CCDC85C: variants seen among roughly 807,000 people sequenced by gnomAD.
CCDC85C encodes the protein coiled-coil domain containing 85C.
In CCDC85C, 18 loss-of-function variants were observed where a neutral mutation model predicts 38.3. The observed-to-expected ratio is 0.47, with a 90% CI of 0.33 to 0.70. The LOEUF is 0.70. CCDC85C is among the 30% of genes least tolerant of loss of function. The pLI, the probability that CCDC85C is intolerant of heterozygous loss-of-function variation, is 0.03. For missense variants in CCDC85C, 566 were observed against 621.2 expected (o/e 0.91, Z 0.94); for synonymous variants, 264 against 293.8 (o/e 0.90, Z 1.04).
chr14:99,581,344 G>A (rs1248751867), intron 1 of CCDC85C, among the ~76,000 whole-genome samples: 1 of 152,246 alleles, frequency 6.6e-6, no homozygotes, highest in Non-Finnish European at 1.5e-5. Flanking sequence ...CCCACCAGAT[G>A]CTGGACCCCG....
At chr14:99,555,333 C>A (rs1208866446) in intron 1 of CCDC85C, among the ~76,000 whole-genome samples, 2 of 148,308 alleles carry the variant, frequency 1.3e-5, no homozygotes, top group African/African-American at 4.9e-5. Context: ...AGCAGGATGA[C>A]CTTGGGACTC....
chr14:99,525,332 T>G (rs1381315731), intron 2 of CCDC85C, among the ~76,000 whole-genome samples: 1 of 152,118 alleles, frequency 6.6e-6, no homozygotes, highest in Admixed American at 6.5e-5. Context: ...AGGGGGCCTA[T>G]GTGGGGCCAC....
rs1402426310 is a variant in CCDC85C, at chr14:99,503,161, C to T, written c.*12085G>A. On this transcript the variant is annotated 3_prime_UTR_variant, in exon 6 of 6. Transcript: ENST00000380243. Reference sequence around the variant, plus strand: ...CCTGAAAACAAAGGTGCTCCAAGGACAGGCTGCCTCTGAGAACCAGGAGGG... The same window carrying T: ...CCTGAAAACAAAGGTGCTCCAAGGATAGGCTGCCTCTGAGAACCAGGAGGG... 4 of 764,296 alleles carry T rather than the reference C, an allele frequency of 5.2e-6. No homozygotes were observed. The highest frequency in any genetic ancestry group is 9.1e-6 in the Non-Finnish European group (4 of 441,792). 47.3% of individuals were successfully genotyped at this position (764,296 alleles called of 1,614,324 possible). A position where few individuals can be genotyped will look rare whatever the true frequency, so the allele number is the denominator to read the frequency against.
At chr14:99,590,240 C>G (rs1475455754) in intron 1 of CCDC85C, among the ~76,000 whole-genome samples, 1 of 152,136 alleles carries the variant, frequency 6.6e-6, no homozygotes, top group East Asian at 1.9e-4. Context: ...TTGGGGACTA[C>G]CCTCCAGGGT....
intron 1 of CCDC85C, among the ~76,000 whole-genome samples, chr14:99,557,832 T>C (rs995969871): frequency 6.6e-6 from 1 of 152,156 alleles, no homozygotes; most frequent in African/African-American, 2.4e-5. Flanking sequence ...CGAGGATTGC[T>C]TGAACCCAGG....
intron 1 of CCDC85C, among the ~76,000 whole-genome samples, chr14:99,550,908 GT>G (rs1897894870): frequency 6.6e-6 from 1 of 152,164 alleles, no homozygotes; most frequent in African/African-American, 2.4e-5. Flanking sequence ...GCTCACCTGG[GT>G]CCAGCTCGAC....
chr14:99,579,215 C>T (rs2054938667), intron 1 of CCDC85C, among the ~76,000 whole-genome samples: 1 of 152,108 alleles, frequency 6.6e-6, no homozygotes. Flanking sequence ...GGGAAACCCC[C>T]TGTCCTGGGG....
chr14:99,507,171 GGCCAGCTGT>G lies in CCDC85C; in HGVS notation c.*8066_*8074del. On this transcript the variant is annotated 3_prime_UTR_variant, in exon 6 of 6. Coordinates refer to ENST00000380243, the MANE Select transcript of CCDC85C (RefSeq NM_001144995.2). ...AGGTAAGCATCTGCTGAAGCAGCTT[GGCCAGCTGT>G]GCACATCGCCTCTGAATGTTGGACG... is the stretch of plus-strand genomic sequence containing the variant. 1 of 1,451,738 alleles carries G rather than the reference GGCCAGCTGT, an allele frequency of 6.9e-7. No homozygotes were observed. The highest frequency in any genetic ancestry group is 9.7e-7 in the Non-Finnish European group (1 of 1,032,596). The allele number at this position is 1,451,738 out of a possible 1,614,324, so 89.9% of individuals were successfully genotyped here.
chr14:99,532,530 C>T (rs895715842), intron 2 of CCDC85C, among the ~76,000 whole-genome samples: 3 of 152,232 alleles, frequency 2.0e-5, no homozygotes, highest in Admixed American at 6.5e-5. Context: ...GTGCCCACTT[C>T]TCAGATGAGC....
At chr14:99,549,695 C>T (rs1241831176) in intron 1 of CCDC85C, among the ~76,000 whole-genome samples, 1 of 152,212 alleles carries the variant, frequency 6.6e-6, no homozygotes, top group East Asian at 1.9e-4. Context: ...GCGAGATAGA[C>T]TCAGTTTGAG....
At chr14:99,523,403 C>A (rs1468940297) in intron 2 of CCDC85C, among the ~76,000 whole-genome samples, 1 of 152,186 alleles carries the variant, frequency 6.6e-6, no homozygotes, top group East Asian at 1.9e-4. Context: ...CCAGCCCCAT[C>A]AGAGCCCTGG....
At position 99,569,520 on chromosome 14, in the gene CCDC85C, A is replaced by C. The variant is rs1358407205; in HGVS notation, c.794-33432T>G. On this transcript the variant is annotated intron_variant, in intron 1 of 5. Transcript: ENST00000380243. This position sits in a 1 kb window ranked among gnomAD's most constrained non-coding sequence, Gnocchi z 4.3. ...GCTGGGACCAAACCCACAGCCACAA[A>C]AACCAATGCCACCTACCCAGGAAGG... 6.6e-6 allele frequency among the ~76,000 whole-genome samples: 1 copy of C among 152,186 alleles called. No individual in the cohort carries two copies. The highest frequency in any genetic ancestry group is 1.5e-5 in the Non-Finnish European group (1 of 68,030).
intron 1 of CCDC85C, among the ~76,000 whole-genome samples, chr14:99,556,859 G>T (rs1013302679): frequency 6.6e-6 from 1 of 151,114 alleles, no homozygotes; most frequent in Non-Finnish European, 1.5e-5. Context: ...GTGTACCAAG[G>T]TATTTCGTGT....
rs1381766143 is a variant in CCDC85C at position 99,504,383 on chromosome 14, G to A, written c.*10863C>T. On this transcript the variant is annotated 3_prime_UTR_variant, in exon 6 of 6. Coordinates refer to ENST00000380243, the MANE Select transcript of CCDC85C (RefSeq NM_001144995.2). The stretch of plus-strand genomic sequence containing the variant: ...CATTAAACTGCTGTGAAATCTTCCA[G>A]TTATGATAGAGCTACTTTTTTTTTT... 6.7e-6 allele frequency: 1 copy of A among 148,690 alleles called. No individual in the cohort carries two copies. Among genetic ancestry groups the A allele is most frequent in the Non-Finnish European group, 1.5e-5 (1 of 67,560 alleles). The allele number at this position is 148,690 out of a possible 1,614,324, so 9.2% of individuals were successfully genotyped here.
Position 99,572,964 on chromosome 14 carries a change from T to C in CCDC85C, c.793+30203A>G, listed in dbSNP as rs1898386323. The C allele has an allele frequency of 5.2e-6, 2 of 387,228 alleles. No individual in the cohort carries two copies. The highest frequency in any genetic ancestry group is 2.1e-5 in the African/African-American group (1 of 47,836). 24.0% of individuals were successfully genotyped at this position (387,228 alleles called of 1,614,324 possible). On this transcript the variant is annotated intron_variant, in intron 1 of 5. Transcript: ENST00000380243. The surrounding 1 kb of genome is among the most constrained non-coding windows in gnomAD (Gnocchi z 4.4). Reference sequence around the variant, plus strand: ...AGCCCTGCCTTCGCCTCCTACAAGATAGGATGGCAGCAGCCTCAGAGCAGA... The same window carrying C: ...AGCCCTGCCTTCGCCTCCTACAAGACAGGATGGCAGCAGCCTCAGAGCAGA...
chr14:99,557,942 C>T (rs1898043915), intron 1 of CCDC85C, among the ~76,000 whole-genome samples: 1 of 152,020 alleles, frequency 6.6e-6, no homozygotes, highest in Non-Finnish European at 1.5e-5. Context: ...AAAAAAGAAA[C>T]AATCACTATT....
chr14:99,507,192 C>T lies in CCDC85C; in HGVS notation c.*8054G>A. ...GCTTGGCCAGCTGTGCACATCGCCT[C>T]TGAATGTTGGACGCAGCAGGTCCTG... is the stretch of plus-strand genomic sequence containing the variant. On this transcript the variant is annotated 3_prime_UTR_variant, in exon 6 of 6. Transcript: ENST00000380243. The T allele has an allele frequency of 1.7e-6, 2 of 1,160,728 alleles. No homozygotes were observed. 71.9% of individuals were successfully genotyped at this position (1,160,728 alleles called of 1,614,324 possible). A position where few individuals can be genotyped will look rare whatever the true frequency, so the allele number is the denominator to read the frequency against.
At chr14:99,528,516 C>A (rs1006564297) in intron 2 of CCDC85C, among the ~76,000 whole-genome samples, 5 of 152,200 alleles carry the variant, frequency 3.3e-5, no homozygotes, top group Admixed American at 1.3e-4. Flanking sequence ...CACCCACCAC[C>A]CCCCATAGCC....
rs375083143 is a variant in CCDC85C at position 99,511,384 on chromosome 14, A to G, written c.*3862T>C. On this transcript the variant is annotated 3_prime_UTR_variant, in exon 6 of 6. Transcript: ENST00000380243. ...TACTTGGAAATTAATGTATGTTTAC[A>G]TCTCTTTGCAAATTCCTGTACATAG... 2 of 152,362 alleles carry G rather than the reference A, an allele frequency of 1.3e-5. No individual in the cohort carries two copies. Among genetic ancestry groups the G allele is most frequent in the Admixed American group, 1.3e-4 (2 of 15,278 alleles). 9.4% of individuals were successfully genotyped at this position (152,362 alleles called of 1,614,324 possible).
Sources: allele counts gnomAD v4.1 joint callset (sites outside exome capture counted in the v4.1 genomes callset), GRCh38; gene constraint gnomAD v4.1.1; non-coding constraint Gnocchi (gnomAD v3.1); transcripts MANE v1.5; gene names NCBI Gene and HGNC (gene_info 2026-07-23, HGNC 2026-07-21).